The following RPS9 variants were observed in gnomAD, a reference collection of about 807,000 sequenced individuals.
RPS9 encodes ribosomal protein S9.
In RPS9, 1 loss-of-function variant was observed where a neutral mutation model predicts 16.9. That is an observed-to-expected ratio of 0.06 (90% CI 0.02 to 0.28). RPS9 has a LOEUF of 0.28. Ranked by LOEUF, RPS9 falls within the 10% of genes least tolerant of loss-of-function variation. The pLI, the probability that RPS9 is intolerant of heterozygous loss-of-function variation, is 1.00. For synonymous variants in RPS9, 106 were observed against 110.9 expected (o/e 0.96, Z 0.28); for missense variants, 137 against 273.2 (o/e 0.50, Z 3.51).
chr19:54,204,346 C>T (rs941892329), intron 3 of RPS9, among the ~76,000 whole-genome samples: 29 of 152,334 alleles, frequency 1.9e-4, no homozygotes, highest in African/African-American at 5.8e-4. Context: ...GCCTGGGCAA[C>T]GAGAGCGAAA....
rs2077093000 is a variant in RPS9 at position 54,202,513 on chromosome 19, G to T, written c.220+904G>T. 4.1e-6 allele frequency: 4 copies of T among 981,218 alleles called. No individual in the cohort carries two copies. In the African/African-American group the frequency reaches 7.0e-5, roughly 17 times the overall value. The allele number at this position is 981,218 out of a possible 1,614,324, so 60.8% of individuals were successfully genotyped here. On this transcript the variant is annotated intron_variant, in intron 3 of 4. Coordinates refer to ENST00000302907, the MANE Select transcript of RPS9 (RefSeq NM_001013.4). ...ACAGCATTTCAGGTGATGACTTTAG[G>T]AGGGCATGCAGATCACATAGACTTA...
chr19:54,201,721 C>T (rs1485118973), intron 3 of RPS9, 112 bp downstream of exon 3: 10 of 1,505,192 alleles, frequency 6.6e-6, no homozygotes, highest in East Asian at 2.4e-5. Flanking sequence ...ATAAATGGAA[C>T]CAGCCTTCTA....
chr19:54,202,852 T>A (rs2077107275), intron 3 of RPS9: 1 of 985,458 alleles, frequency 1.0e-6, no homozygotes, highest in Non-Finnish European at 1.2e-6. Flanking sequence ...GTCCCAGGCT[T>A]GCAGATGTTA....
At chr19:54,201,086 G>T in intron 1 of RPS9, 74 bp from the exon 2 acceptor site, 3 of 1,581,246 alleles carry the variant, frequency 1.9e-6, no homozygotes, top group South Asian at 1.1e-5. Flanking sequence ...TGGGCTCCGC[G>T]AGGTTTTGGC....
intron 3 of RPS9, chr19:54,201,956 C>G (rs576795523): frequency 1.1e-5 from 3 of 278,866 alleles, no homozygotes; most frequent in Non-Finnish European, 2.0e-5. Flanking sequence ...AATTTCTGGG[C>G]TAAGTGATGG....
chr19:54,200,975 G>A (rs1490652265), intron 1 of RPS9, 87 bp downstream of exon 1: 4 of 1,429,190 alleles, frequency 2.8e-6, no homozygotes, highest in Admixed American at 2.9e-5. Flanking sequence ...AGCTAAAGAC[G>A]TTAGGAAACA....
chr19:54,207,437 C>T lies in RPS9; in HGVS notation c.447C>T (p.Val149=). Residue 149 remains valine, a synonymous_variant, in exon 5 of 5, where the codon GTC becomes GTT. Transcript: ENST00000302907. ...KQVVNIPSFI[V]RLDSQKHIDF... ...TGGTGAACATCCCGTCCTTCATTGT[C>T]CGCCTGGATTCCCAGAAGCACATCG... is the stretch of plus-strand genomic sequence containing the variant. 2 of 1,613,710 alleles carry T rather than the reference C, an allele frequency of 1.2e-6. No homozygotes were observed. The highest frequency in any genetic ancestry group is 1.1e-5 in the South Asian group (1 of 91,048).
chr19:54,201,651 T>C, intron 3 of RPS9, 42 bp downstream of exon 3: 1 of 1,610,336 alleles, frequency 6.2e-7, no homozygotes, highest in Non-Finnish European at 8.5e-7. Context: ...GGTGCAGGGC[T>C]TGTGAGGTTC....
intron 3 of RPS9, chr19:54,203,112 G>A (rs939389008): frequency 2.0e-6 from 2 of 981,088 alleles, no homozygotes; most frequent in Admixed American, 6.2e-5. Context: ...GTTCTGTGGG[G>A]AGTGGGCTAT....
chr19:54,201,472 C>G lies in RPS9; in HGVS notation c.98-15C>G, dbSNP rs2304524. 0.37 allele frequency: 598,382 copies of G among 1,613,422 alleles called. 115,946 individuals are homozygous for G. The highest frequency in any genetic ancestry group is 0.42 in the East Asian group (18,938 of 44,864). Reference sequence around the variant, plus strand: ...TACGTGGGACTACACTTGTCCACCCCCTTCTCCCCACCAGGCGAGTATGGG... The same window carrying G: ...TACGTGGGACTACACTTGTCCACCCGCTTCTCCCCACCAGGCGAGTATGGG... On this transcript the variant is annotated splice_polypyrimidine_tract_variant and intron_variant, in intron 2 of 4. Transcript: ENST00000302907.
intron 3 of RPS9, among the ~76,000 whole-genome samples, chr19:54,203,771 TC>T (rs11439192): frequency 1.6e-4 from 18 of 111,676 alleles, no homozygotes; most frequent in Middle Eastern, 4.9e-3. Flanking sequence ...CAACACGAAC[TC>T]CCCCCCCACC....
At position 54,205,130 on chromosome 19, in the gene RPS9, A is replaced by T. The variant is rs748322423; in HGVS notation, c.221-1146A>T. ...TAAGAGCCACTTTTTATAAAAGTGC[A>T]CATAAGGAAAAAAGGTTGAGGTGTT... is the stretch of plus-strand genomic sequence containing the variant. On this transcript the variant is annotated intron_variant, in intron 3 of 4. Coordinates refer to ENST00000302907, the MANE Select transcript of RPS9 (RefSeq NM_001013.4). 1.1e-3 allele frequency among the ~76,000 whole-genome samples: 166 copies of T among 152,112 alleles called. 1 individual carries two copies. The highest frequency in any genetic ancestry group is 1.8e-3 in the Non-Finnish European group (121 of 68,012).
intron 3 of RPS9, among the ~76,000 whole-genome samples, chr19:54,203,781 C>T (rs202017807): frequency 3.0e-5 from 4 of 133,042 alleles, no homozygotes; most frequent in Non-Finnish European, 5.0e-5. Flanking sequence ...TCCCCCCCCA[C>T]CCCCCAGCAC....
At position 54,207,526 on chromosome 19, in the gene RPS9, A is replaced by G. The variant is rs1213891190; in HGVS notation, c.536A>G (p.Lys179Arg). 3 of 1,612,716 alleles carry G rather than the reference A, an allele frequency of 1.9e-6. No homozygotes were observed. The highest frequency in any genetic ancestry group is 2.2e-5 in the South Asian group (2 of 91,012). Residue 179 changes from lysine to arginine, a missense_variant, in exon 5 of 5, where the codon AAG (lysine) becomes AGG (arginine). Lys to Arg is a conservative substitution (Grantham distance 26, BLOSUM62 2). This residue lies in a region of RPS9 where 54 missense variants were observed against 90.9 expected (regional missense o/e 0.59). Coordinates refer to ENST00000302907, the MANE Select transcript of RPS9 (RefSeq NM_001013.4). ...RPGRVKRKNA[K>R]KGQGGAGAGD... ...GGCCGCGTGAAGAGGAAGAATGCCAAGAAGGGCCAGGGTGGGGCTGGGGCT... is the reference window on the plus strand; with the variant it reads ...GGCCGCGTGAAGAGGAAGAATGCCAGGAAGGGCCAGGGTGGGGCTGGGGCT...
chr19:54,201,369 C>G, intron 2 of RPS9, 88 bp downstream of exon 2: 3 of 1,607,750 alleles, frequency 1.9e-6, no homozygotes, highest in Non-Finnish European at 2.6e-6. Context: ...CTATCTAGTC[C>G]GTCCCCTAAA....
chr19:54,207,231 T>TA lies in RPS9; in HGVS notation c.408-163dup, dbSNP rs2077273514. Reference sequence around the variant, plus strand: ...ATTTTTGGGGATTAAGGTGATACCCTAAAACCCCGGAGGGCGCACGTAGGA... The same window carrying TA: ...ATTTTTGGGGATTAAGGTGATACCCTAAAAACCCCGGAGGGCGCACGTAGGA... On this transcript the variant is annotated intron_variant, in intron 4 of 4. Coordinates refer to ENST00000302907, the MANE Select transcript of RPS9 (RefSeq NM_001013.4). 5.1e-6 allele frequency: 3 copies of TA among 593,386 alleles called. No homozygotes were observed. The Admixed American group carries it at 1.0e-4, about 20-fold the overall frequency. 36.8% of individuals were successfully genotyped at this position (593,386 alleles called of 1,614,324 possible). A position where few individuals can be genotyped will look rare whatever the true frequency, so the allele number is the denominator to read the frequency against.
intron 3 of RPS9, chr19:54,202,747 A>G (rs1404546076): frequency 1.0e-6 from 1 of 985,308 alleles, no homozygotes. Flanking sequence ...AGCAGTCTCT[A>G]CACCTGAGCC....
chr19:54,201,324 G>GC (rs1203135354), intron 2 of RPS9, 43 bp downstream of exon 2: 6 of 1,613,684 alleles, frequency 3.7e-6, no homozygotes, highest in Non-Finnish European at 2.5e-6. Flanking sequence ...GCTTCCGGGA[G>GC]GCGGTTAGCA....
At chr19:54,201,355 T>C in intron 2 of RPS9, 74 bp downstream of exon 2, 1 of 1,611,556 alleles carries the variant, frequency 6.2e-7, no homozygotes, top group South Asian at 1.1e-5. Flanking sequence ...GGTGCCCATG[T>C]ACTCTATCTA....
Sources: gnomAD v4.1 joint callset for allele counts (sites outside exome capture counted in the v4.1 genomes callset) on GRCh38, gnomAD v4.1.1 for gene constraint, gnomAD v4.1.1 regional missense constraint, MANE v1.5 for transcripts, NCBI Gene and HGNC (gene_info 2026-07-23, HGNC 2026-07-21) for gene names.